Variants in MCF2L2 observed in about 807,000 individuals in gnomAD.
MCF2L2 encodes the protein MCF.2 cell line derived transforming sequence-like 2.
Under a neutral mutation model 150.2 loss-of-function variants are expected in MCF2L2, and 102 were observed. The observed-to-expected ratio is 0.68, with a 90% confidence interval of 0.58 to 0.80. MCF2L2 has a LOEUF of 0.80. MCF2L2 is among the 30% of genes least tolerant of loss of function. The pLI, the probability that MCF2L2 is intolerant of heterozygous loss-of-function variation, is 0.00. For synonymous variants in MCF2L2, 465 were observed against 491.3 expected, an observed-to-expected ratio of 0.95 and a Z score of 0.71; for missense variants, 1,256 against 1,372.8, an observed-to-expected ratio of 0.91 and a Z score of 1.34.
rs1723216332 is a variant in MCF2L2, at chr3:183,223,427, G to T, written c.2220C>A (p.Arg740=). Residue 740 remains arginine, a synonymous_variant, in exon 20 of 30, where the codon CGC becomes CGA. Transcript: ENST00000328913. ...AAAGAGGGAGATTGTGATCCAGTTG[G>T]CGCTGGCATACCTTTAAAAGCCAAA... is the stretch of plus-strand genomic sequence containing the variant. The part of the protein sequence containing the change: ...QDCAYFGVCQ[R]QLDHNLPLFK... 1.2e-6 allele frequency: 2 copies of T among 1,613,646 alleles called. No individual in the cohort carries two copies. Among genetic ancestry groups the T allele is most frequent in the Admixed American group, 1.7e-5 (1 of 59,996 alleles).
At chr3:183,257,269 T>C (rs1725129922) in intron 15 of MCF2L2, among the ~76,000 whole-genome samples, 1 of 152,128 alleles carries the variant, frequency 6.6e-6, no homozygotes, top group Non-Finnish European at 1.5e-5. Context: ...ACAGTATACA[T>C]CTACTTTTGT....
intron 5 of MCF2L2, among the ~76,000 whole-genome samples, chr3:183,331,549 T>C (rs906382934): frequency 1.1e-4 from 17 of 152,276 alleles, no homozygotes; most frequent in Admixed American, 1.1e-3. Context: ...CATGGTCTTT[T>C]AACTGCACAA....
chr3:183,397,888 AATG>A (rs1236804293), intron 1 of MCF2L2, among the ~76,000 whole-genome samples: 2 of 152,196 alleles, frequency 1.3e-5, no homozygotes, highest in Non-Finnish European at 2.9e-5. Flanking sequence ...TGGTTAAATA[AATG>A]ATGATAAAGC....
chr3:183,203,673 A>T (rs926771416), intron 25 of MCF2L2, among the ~76,000 whole-genome samples: 4 of 152,272 alleles, frequency 2.6e-5, no homozygotes, highest in Admixed American at 2.0e-4. Flanking sequence ...AATAATATTT[A>T]AAGAAGCAAT....
chr3:183,264,078 G>A (rs1303543254), intron 15 of MCF2L2, among the ~76,000 whole-genome samples: 1 of 147,024 alleles, frequency 6.8e-6, no homozygotes, highest in Non-Finnish European at 1.5e-5. Flanking sequence ...AATAAATACT[G>A]AGCAAGGGAG....
At chr3:183,318,493 C>T (rs552381236) in intron 6 of MCF2L2, among the ~76,000 whole-genome samples, 2 of 152,318 alleles carry the variant, frequency 1.3e-5, no homozygotes, top group Middle Eastern at 6.8e-3. Context: ...GTCACACGAT[C>T]TTTAAGATTC....
chr3:183,316,050 C>G (rs911140709), intron 7 of MCF2L2, among the ~76,000 whole-genome samples: 6 of 152,168 alleles, frequency 3.9e-5, no homozygotes, highest in African/African-American at 1.4e-4. Context: ...TCCCATGACA[C>G]CCCTTTGCAC....
intron 2 of MCF2L2, among the ~76,000 whole-genome samples, chr3:183,381,930 C>T (rs1313205202): frequency 6.6e-6 from 1 of 152,134 alleles, no homozygotes; most frequent in Non-Finnish European, 1.5e-5. Flanking sequence ...AATTAAGATG[C>T]ATTATAACAC....
At chr3:183,352,428 C>A (rs1198626670) in intron 3 of MCF2L2, among the ~76,000 whole-genome samples, 1 of 152,190 alleles carries the variant, frequency 6.6e-6, no homozygotes, top group Non-Finnish European at 1.5e-5. Context: ...GCAGCTGAAG[C>A]AGGAGAATTG....
At chr3:183,223,784 C>G (rs896466671) in intron 19 of MCF2L2, among the ~76,000 whole-genome samples, 1 of 152,218 alleles carries the variant, frequency 6.6e-6, no homozygotes, top group Non-Finnish European at 1.5e-5. Context: ...AGAGTCTATT[C>G]AGGCCTTTTG....
intron 27 of MCF2L2, 69 bp from the exon 28 acceptor site, chr3:183,180,228 GTGTAGCAGGCAGTGCC>G (rs751695524): frequency 9.9e-7 from 1 of 1,010,530 alleles, no homozygotes; most frequent in South Asian, 1.3e-5. Flanking sequence ...CCATGGCAGG[GTGTAGCAGGCAGTGCC>G]TGTTGCAGGC....
intron 3 of MCF2L2, among the ~76,000 whole-genome samples, chr3:183,360,524 G>A (rs967590726): frequency 6.6e-6 from 1 of 152,050 alleles, no homozygotes; most frequent in Non-Finnish European, 1.5e-5. Context: ...CTATGATCAT[G>A]CATGCAACTG....
chr3:183,341,765 A>C, intron 3 of MCF2L2, 135 bp from the exon 4 acceptor site: 1 of 614,122 alleles, frequency 1.6e-6, no homozygotes, highest in Non-Finnish European at 3.0e-6. Flanking sequence ...AGCACAACCA[A>C]CTCCCTCTCC....
intron 25 of MCF2L2, among the ~76,000 whole-genome samples, chr3:183,205,509 G>A (rs1163870702): frequency 6.6e-6 from 1 of 152,206 alleles, no homozygotes; most frequent in Non-Finnish European, 1.5e-5. Flanking sequence ...TTGATGGCAT[G>A]TTAATTATAT....
intron 1 of MCF2L2, among the ~76,000 whole-genome samples, chr3:183,402,451 C>CAAAAAAAAAAAAAAAAAAAAAAAAA (rs779201489): frequency 3.7e-5 from 2 of 54,758 alleles, no homozygotes; most frequent in Non-Finnish European, 8.6e-5. Context: ...GAGACTCCAT[C>CAAAAAAAAAAAAAAAAAAAAAAAAA]AAAAAAAAAA....
Position 183,310,975 on chromosome 3 carries a change from C to T in MCF2L2, c.933G>A (p.Glu311=). Residue 311 remains glutamate, a synonymous_variant, in exon 9 of 30, where the codon GAG becomes GAA. Coordinates refer to ENST00000328913, the MANE Select transcript of MCF2L2 (RefSeq NM_015078.4). ...TEKAFSHFWS[E]HHLKLNQCLQ... is the part of the protein sequence containing the mutation. ...GGCACTGGTTAAGCTTCAGATGATG[C>T]TCAGACCAAAAGTGACTAAAGGCTT... 1 of 1,614,062 alleles carries T rather than the reference C, an allele frequency of 6.2e-7. No individual in the cohort carries two copies. The highest frequency in any genetic ancestry group is 8.5e-7 in the Non-Finnish European group (1 of 1,179,926).
At chr3:183,278,960 T>C (rs1254387779) in intron 14 of MCF2L2, among the ~76,000 whole-genome samples, 2 of 151,808 alleles carry the variant, frequency 1.3e-5, no homozygotes, top group African/African-American at 4.8e-5. Flanking sequence ...GTAGAGGGAG[T>C]CTCCTCTGCC....
At chr3:183,421,577 C>A (rs539565383) in intron 1 of MCF2L2, among the ~76,000 whole-genome samples, 40 of 152,334 alleles carry the variant, frequency 2.6e-4, no homozygotes, top group Non-Finnish European at 1.5e-5. Context: ...AGCCACCACA[C>A]CTGGCCCCTT....
chr3:183,313,114 T>C (rs575430528), intron 7 of MCF2L2, among the ~76,000 whole-genome samples: 3 of 152,276 alleles, frequency 2.0e-5, no homozygotes, highest in African/African-American at 4.8e-5. Flanking sequence ...AAAGACAAAT[T>C]AGATATGATG....
Sources: allele counts gnomAD v4.1 joint callset (sites outside exome capture counted in the v4.1 genomes callset), GRCh38; gene constraint gnomAD v4.1.1; transcripts MANE v1.5; gene names NCBI Gene and HGNC (gene_info 2026-07-23, HGNC 2026-07-21).